The following BBOF1 variants were observed in gnomAD, a reference collection of about 807,000 sequenced individuals.
BBOF1 encodes the protein basal body-orientation factor 1.
Under a neutral mutation model 68.0 loss-of-function variants are expected in BBOF1, and 62 were observed. That is an observed-to-expected ratio of 0.91 (90% CI 0.74 to 1.13). The LOEUF (loss-of-function observed/expected upper bound fraction) is 1.13, where lower values mean the gene tolerates loss of function less well. Among genes scored for constraint, BBOF1 ranks in the 50% most tolerant of loss-of-function variants. The probability of loss-of-function intolerance (pLI) is 0.00; values close to 1 mark genes in which losing one functional copy is unlikely to be tolerated. For synonymous variants in BBOF1, 208 were observed against 198.8 expected, an observed-to-expected ratio of 1.05 and a Z score of -0.39; for missense variants, 534 against 600.1, an observed-to-expected ratio of 0.89 and a Z score of 1.15.
At chr14:74,071,976 TAG>T in intron 9 of BBOF1, 1 of 1,613,664 alleles carries the variant, frequency 6.2e-7, no homozygotes. Flanking sequence ...AATTTCTTTC[TAG>T]AGAGAAGACA....
intron 3 of BBOF1, among the ~76,000 whole-genome samples, chr14:74,030,921 CAT>C (rs71460943): frequency 0.35 from 51,692 of 147,132 alleles, 9,840 homozygotes; most frequent in East Asian, 0.81. Flanking sequence ...AAGTCATAAA[CAT>C]ATATATATAT....
At chr14:74,027,244 G>C (rs543096812) in intron 2 of BBOF1, among the ~76,000 whole-genome samples, 1 of 151,546 alleles carries the variant, frequency 6.6e-6, no homozygotes, top group Non-Finnish European at 1.5e-5. Flanking sequence ...CCACCACCCC[G>C]CCTGGCTAAT....
intron 9 of BBOF1, among the ~76,000 whole-genome samples, chr14:74,076,137 G>C (rs1016670834): frequency 2.6e-5 from 4 of 152,120 alleles, no homozygotes; most frequent in Non-Finnish European, 5.9e-5. Flanking sequence ...TTTCACAGGT[G>C]TATACAAATG....
downstream of BBOF1, chr14:74,066,817 A>G (rs1222040297): frequency 5.6e-6 from 9 of 1,614,040 alleles, no homozygotes; most frequent in South Asian, 2.2e-5. Flanking sequence ...TCCACTATCA[A>G]TCAGATTACA....
At chr14:74,078,131 A>C in intron 9 of BBOF1, 1 of 448,666 alleles carries the variant, frequency 2.2e-6, no homozygotes, top group Non-Finnish European at 4.4e-6. Context: ...ACTTTATCTT[A>C]AAACTCCCAA....
At chr14:74,035,584 ATTTTTTTTTTT>A (rs71460945) in intron 4 of BBOF1, among the ~76,000 whole-genome samples, 74 of 81,398 alleles carry the variant, frequency 9.1e-4, no homozygotes, top group African/African-American at 4.3e-3. Flanking sequence ...CCCCCAGCTA[ATTTTTTTTTTT>A]TTTTTTTTTT....
intron 2 of BBOF1, among the ~76,000 whole-genome samples, chr14:74,026,538 T>C (rs66941731): frequency 0.39 from 58,664 of 151,448 alleles, 12,139 homozygotes; most frequent in East Asian, 0.84. Context: ...TGAAGGGGCT[T>C]CCATTGGCCA....
chr14:74,082,132 G>C (rs778438037), intron 12 of BBOF1, among the ~76,000 whole-genome samples: 1 of 152,174 alleles, frequency 6.6e-6, no homozygotes, highest in Non-Finnish European at 1.5e-5. Context: ...TTCAGCGTGG[G>C]AGGTCGAGGC....
At chr14:74,029,137 A>G in intron 2 of BBOF1, 47 bp from the exon 3 acceptor site, 1 of 1,174,362 alleles carries the variant, frequency 8.5e-7, no homozygotes, top group Non-Finnish European at 1.2e-6. Context: ...AGGTAGACAT[A>G]GAGCAGTTTC....
chr14:74,023,593 T>G (rs1038780557), intron 2 of BBOF1, among the ~76,000 whole-genome samples: 20 of 152,142 alleles, frequency 1.3e-4, no homozygotes, highest in African/African-American at 4.6e-4. Context: ...ATTAAAGTGT[T>G]GAGAGTAAAG....
intron 3 of BBOF1, among the ~76,000 whole-genome samples, chr14:74,033,704 G>A (rs994024620): frequency 3.3e-5 from 5 of 151,974 alleles, no homozygotes; most frequent in African/African-American, 7.3e-5. Flanking sequence ...GTGAAACACC[G>A]TCTCTACTAA....
intron 9 of BBOF1, among the ~76,000 whole-genome samples, chr14:74,074,302 T>G (rs2060587214): frequency 6.7e-6 from 1 of 150,194 alleles, no homozygotes; most frequent in Non-Finnish European, 1.5e-5. Flanking sequence ...TTTTTTTTTT[T>G]TTTGAAACGG....
At position 74,056,991 on chromosome 14, in the gene BBOF1, TCTTG is replaced by T; in HGVS notation, c.1463+15_1463+18del. The T allele has an allele frequency of 1.2e-6, 2 of 1,611,060 alleles. No homozygotes were observed. Among genetic ancestry groups the T allele is most frequent in the Non-Finnish European group, 1.7e-6 (2 of 1,178,098 alleles). ...AACAAAGGAATTTGGGTAAGAGCTC[TCTTG>T]CTTAAGTAATAAACATGAGCCCAAC... On this transcript the variant is annotated intron_variant, in intron 10 of 11. Coordinates refer to ENST00000394009, the MANE Select transcript of BBOF1 (RefSeq NM_025057.3).
chr14:74,034,437 A>G (rs1249570083), intron 4 of BBOF1, among the ~76,000 whole-genome samples: 2 of 152,168 alleles, frequency 1.3e-5, no homozygotes, highest in Non-Finnish European at 1.5e-5. Flanking sequence ...AACCCTTTGG[A>G]TTGACTTCAG....
Position 74,063,966 on chromosome 14 carries a change from AC to A in BBOF1, c.1579-721del, listed in dbSNP as rs376918978. Among the ~76,000 whole-genome samples, 22 of 152,068 alleles carry A rather than the reference AC, an allele frequency of 1.4e-4. No individual in the cohort carries two copies. The East Asian group carries it at 4.1e-3, about 28-fold the overall frequency. On this transcript the variant is annotated intron_variant, in intron 11 of 11. Coordinates refer to ENST00000394009, the MANE Select transcript of BBOF1 (RefSeq NM_025057.3). ...GGCAATTTGGTTCCAGATCTGCTTTACTTTTCTTGTTCAGTGCTGTATTCAT... is the reference window on the plus strand; with the variant it reads ...GGCAATTTGGTTCCAGATCTGCTTTATTTTCTTGTTCAGTGCTGTATTCAT...
intron 10 of BBOF1, among the ~76,000 whole-genome samples, chr14:74,080,370 T>TTC (rs1158205818): frequency 7.2e-6 from 1 of 139,842 alleles, no homozygotes; most frequent in South Asian, 2.3e-4. Context: ...AACTCTTTCT[T>TTC]TTTTTTTTTT....
chr14:74,075,606 G>A lies in BBOF1; in HGVS notation n.1380-2590G>A, dbSNP rs188744427. On this transcript the variant is annotated intron_variant and non_coding_transcript_variant, in intron 9 of 12. Transcript: ENST00000492026. Reference sequence around the variant, plus strand: ...CGGGAGGGTGAGGCTGCAGTGAACCGTGATTATGCCACTGCACTCCAGCCA... The same window carrying A: ...CGGGAGGGTGAGGCTGCAGTGAACCATGATTATGCCACTGCACTCCAGCCA... Among the ~76,000 whole-genome samples the A allele has an allele frequency of 3.3e-5, 5 of 151,908 alleles. No individual in the cohort carries two copies. The East Asian group carries it at 5.8e-4, about 18-fold the overall frequency.
At chr14:74,059,304 T>A (rs1202804983) in intron 11 of BBOF1, 1 of 447,084 alleles carries the variant, frequency 2.2e-6, no homozygotes, top group African/African-American at 2.0e-5. Context: ...AATAGCAGGT[T>A]AGATTTGCTT....
Position 74,043,526 on chromosome 14 carries a change from C to T in BBOF1, c.577-2534C>T, listed in dbSNP as rs535405965. Among the ~76,000 whole-genome samples the T allele has an allele frequency of 1.9e-3, 246 of 129,534 alleles. 1 individual carries two copies. Among genetic ancestry groups the T allele is most frequent in the Middle Eastern group, 4.7e-3 (1 of 212 alleles). 85.0% of individuals were successfully genotyped at this position (129,534 alleles called of 152,430 possible). ...GATTGCGCCACTGCAGTCCGCAGTC[C>T]GGCCTGGGCAACAGAGCGAGACTCC... is the stretch of plus-strand genomic sequence containing the variant. On this transcript the variant is annotated intron_variant, in intron 5 of 11. Transcript: ENST00000394009.
Sources: allele counts gnomAD v4.1 joint callset (sites outside exome capture counted in the v4.1 genomes callset), GRCh38; gene constraint gnomAD v4.1.1; transcripts MANE v1.5; gene names NCBI Gene and HGNC (gene_info 2026-07-23, HGNC 2026-07-21).